TRIM44: variants seen among roughly 807,000 people sequenced by gnomAD.
TRIM44 encodes tripartite motif containing 44, also known as tripartite motif-containing protein 44.
A neutral mutation model predicts 37.4 loss-of-function variants in TRIM44; 13 were observed. The ratio of observed to expected loss-of-function variants is 0.35; its 90% CI spans 0.23 to 0.55. TRIM44 has a LOEUF of 0.55. Among genes scored for constraint, TRIM44 ranks in the 20% least tolerant of loss-of-function variants. The probability of loss-of-function intolerance (pLI) is 0.89; values close to 1 mark genes in which losing one functional copy is unlikely to be tolerated. For synonymous variants in TRIM44, 175 were observed against 157.2 expected (o/e 1.11, Z -0.85); for missense variants, 426 against 437.2 (o/e 0.97, Z 0.23).
At chr11:35,664,675 T>A (rs1851312655) in intron 1 of TRIM44, among the ~76,000 whole-genome samples, 1 of 152,208 alleles carries the variant, frequency 6.6e-6, no homozygotes, top group African/African-American at 2.4e-5. Context: ...TGTATTAGGT[T>A]TTCCCTTTTT....
rs1180025252 is a variant in TRIM44, at chr11:35,816,730, C to G, written c.*10345C>G. 2 of 152,196 alleles carry G rather than the reference C, an allele frequency of 1.3e-5. No individual in the cohort carries two copies. Among genetic ancestry groups the G allele is most frequent in the Non-Finnish European group, 2.9e-5 (2 of 68,040 alleles). The allele number at this position is 152,196 out of a possible 1,614,324, so 9.4% of individuals were successfully genotyped here. A position where few individuals can be genotyped will look rare whatever the true frequency, so the allele number is the denominator to read the frequency against. On this transcript the variant is annotated 3_prime_UTR_variant, in exon 5 of 5. Coordinates refer to ENST00000299413, the MANE Select transcript of TRIM44 (RefSeq NM_017583.6). ...GAAGCATACAGACTTGGTTTTAGTA[C>G]TGGCTTTGTTCTTTACTAACTCTGA... is the stretch of plus-strand genomic sequence containing the variant.
At chr11:35,783,446 A>G (rs1296655852) in intron 4 of TRIM44, among the ~76,000 whole-genome samples, 7 of 152,198 alleles carry the variant, frequency 4.6e-5, no homozygotes, top group Non-Finnish European at 1.0e-4. Context: ...TTTTATGGAC[A>G]TAGAATCCAG....
At position 35,800,636 on chromosome 11, in the gene TRIM44, G is replaced by A. The variant is rs143447693; in HGVS notation, c.1008-5722G>A. On this transcript the variant is annotated intron_variant, in intron 4 of 4. Transcript: ENST00000299413. ...CCAGCTGGCTTCACCTCTCAGTACC[G>A]GGCATCAACCCAGTATTTGGGCCCA... 1.5e-3 allele frequency among the ~76,000 whole-genome samples: 229 copies of A among 152,198 alleles called. 1 individual carries two copies. The highest frequency in any genetic ancestry group is 5.2e-3 in the African/African-American group (215 of 41,526).
chr11:35,745,147 C>T (rs939026556), intron 4 of TRIM44, among the ~76,000 whole-genome samples: 1 of 152,190 alleles, frequency 6.6e-6, no homozygotes, highest in African/African-American at 2.4e-5. Context: ...AATCACCACA[C>T]ACTCTTCCAC....
chr11:35,739,882 C>T (rs984344352), intron 4 of TRIM44, among the ~76,000 whole-genome samples: 2 of 152,014 alleles, frequency 1.3e-5, no homozygotes, highest in Non-Finnish European at 1.5e-5. Context: ...ACCCTGATCA[C>T]GAGGTCAGGA....
intron 4 of TRIM44, among the ~76,000 whole-genome samples, chr11:35,770,368 G>C (rs1852851377): frequency 6.6e-6 from 1 of 152,154 alleles, no homozygotes; most frequent in South Asian, 2.1e-4. Flanking sequence ...GATGAACTAA[G>C]AGCGCATGTA....
At chr11:35,709,343 G>A (rs1347299956) in intron 2 of TRIM44, among the ~76,000 whole-genome samples, 1 of 152,116 alleles carries the variant, frequency 6.6e-6, no homozygotes, top group African/African-American at 2.4e-5. Context: ...TAAAATATTG[G>A]CTTTGCTCTC....
At chr11:35,799,116 C>T (rs976578643) in intron 4 of TRIM44, among the ~76,000 whole-genome samples, 1 of 152,272 alleles carries the variant, frequency 6.6e-6, no homozygotes, top group African/African-American at 2.4e-5. Context: ...TGGCAACCTA[C>T]AAGCCTGCCT....
rs1853477142 is a variant in TRIM44, at chr11:35,808,019, T to C, written c.*1634T>C. On this transcript the variant is annotated 3_prime_UTR_variant, in exon 5 of 5. Transcript: ENST00000299413. ...CTGATTGTTATGCTTGCAGGATGGT[T>C]TTGAAACAGAAACAATACTTGTTTA... 1 of 152,090 alleles carries C rather than the reference T, an allele frequency of 6.6e-6. No homozygotes were observed. Among genetic ancestry groups the C allele is most frequent in the Non-Finnish European group, 1.5e-5 (1 of 68,020 alleles). 9.4% of individuals were successfully genotyped at this position (152,090 alleles called of 1,614,324 possible).
chr11:35,664,242 T>C (rs559110689), intron 1 of TRIM44, among the ~76,000 whole-genome samples: 3 of 152,344 alleles, frequency 2.0e-5, no homozygotes, highest in Admixed American at 1.3e-4. Flanking sequence ...AAAATAGTTT[T>C]AATAGTAACT....
intron 4 of TRIM44, among the ~76,000 whole-genome samples, chr11:35,778,175 A>G (rs558271651): frequency 6.6e-6 from 1 of 152,062 alleles, no homozygotes; most frequent in East Asian, 1.9e-4. Flanking sequence ...TTTTTTCTCT[A>G]AACTTCTCTT....
At chr11:35,692,955 C>T (rs966982288) in intron 2 of TRIM44, among the ~76,000 whole-genome samples, 5 of 151,870 alleles carry the variant, frequency 3.3e-5, no homozygotes, top group Non-Finnish European at 1.5e-5. Flanking sequence ...AAACTTTAGC[C>T]GAATTAAATT....
intron 2 of TRIM44, among the ~76,000 whole-genome samples, chr11:35,710,556 G>C (rs2135507664): frequency 1.3e-5 from 2 of 152,302 alleles, no homozygotes; most frequent in South Asian, 4.2e-4. Flanking sequence ...TACCATGGAA[G>C]GGAAGGCTAG....
At chr11:35,682,769 G>T (rs967519761) in intron 1 of TRIM44, among the ~76,000 whole-genome samples, 2 of 152,186 alleles carry the variant, frequency 1.3e-5, no homozygotes, top group African/African-American at 4.8e-5. Context: ...GAATTTTTAT[G>T]AAAGAAGGCT....
At chr11:35,779,814 A>T (rs1249295089) in intron 4 of TRIM44, among the ~76,000 whole-genome samples, 2 of 149,754 alleles carry the variant, frequency 1.3e-5, no homozygotes, top group Admixed American at 1.3e-4. Context: ...TCTTCTGTAT[A>T]TGGCTAGTGA....
At chr11:35,765,215 A>G (rs1430536090) in intron 4 of TRIM44, among the ~76,000 whole-genome samples, 2 of 152,148 alleles carry the variant, frequency 1.3e-5, no homozygotes, top group Non-Finnish European at 2.9e-5. Flanking sequence ...GATTTATTCC[A>G]CAAACATGTA....
chr11:35,792,111 A>ACACACACTCT lies in TRIM44; in HGVS notation c.1008-14246_1008-14245insACACACTCTC, dbSNP rs796092540. Among the ~76,000 whole-genome samples, 587 of 114,234 alleles carry ACACACACTCT rather than the reference A, an allele frequency of 5.1e-3. 1 individual carries two copies. Among genetic ancestry groups the ACACACACTCT allele is most frequent in the Admixed American group, 7.0e-3 (84 of 11,976 alleles). 74.9% of individuals were successfully genotyped at this position (114,234 alleles called of 152,430 possible). On this transcript the variant is annotated intron_variant, in intron 4 of 4. Coordinates refer to ENST00000299413, the MANE Select transcript of TRIM44 (RefSeq NM_017583.6). ...CACACACACACACACACACACACAC[A>ACACACACTCT]CTCTCTCTCATCATTCTCTATTCCA...
chr11:35,788,974 G>A (rs576215238), intron 4 of TRIM44, among the ~76,000 whole-genome samples: 1 of 152,206 alleles, frequency 6.6e-6, no homozygotes, highest in East Asian at 1.9e-4. Context: ...GTATATTTCA[G>A]CCTGAGGCCC....
At chr11:35,664,180 A>G (rs1435562503) in intron 1 of TRIM44, among the ~76,000 whole-genome samples, 1 of 152,164 alleles carries the variant, frequency 6.6e-6, no homozygotes, top group Non-Finnish European at 1.5e-5. Flanking sequence ...GGGAAATAGG[A>G]TTTTGCCACA....
Sources: gnomAD v4.1 joint callset for allele counts (sites outside exome capture counted in the v4.1 genomes callset) on GRCh38, gnomAD v4.1.1 for gene constraint, MANE v1.5 for transcripts, NCBI Gene and HGNC (gene_info 2026-07-23, HGNC 2026-07-21) for gene names.